The following GRIN2A variants were observed in gnomAD, a reference collection of about 807,000 sequenced individuals.
GRIN2A encodes glutamate ionotropic receptor NMDA type subunit 2A.
In GRIN2A, 22 loss-of-function variants were observed where a neutral mutation model predicts 113.4. The ratio of observed to expected loss-of-function variants is 0.19; its 90% CI spans 0.14 to 0.28. GRIN2A has a LOEUF of 0.28. Ranked by LOEUF, GRIN2A falls within the 10% of genes least tolerant of loss-of-function variation. The pLI, the probability that GRIN2A is intolerant of heterozygous loss-of-function variation, is 1.00. For missense variants in GRIN2A, 1,502 were observed against 1,887.0 expected (o/e 0.80, Z 3.78); for synonymous variants, 827 against 738.4 (o/e 1.12, Z -1.94).
At chr16:10,042,180 T>G (rs1235754455) in intron 2 of GRIN2A, among the ~76,000 whole-genome samples, 3 of 152,188 alleles carry the variant, frequency 2.0e-5, no homozygotes, top group Non-Finnish European at 4.4e-5. Context: ...TGTCTGCAAA[T>G]TTTTCAATAC....
intron 2 of GRIN2A, among the ~76,000 whole-genome samples, chr16:10,018,893 A>G (rs2046661341): frequency 6.6e-6 from 1 of 152,196 alleles, no homozygotes; most frequent in Non-Finnish European, 1.5e-5. Context: ...TCCCAATCTG[A>G]GCACTGGCTG....
intron 2 of GRIN2A, among the ~76,000 whole-genome samples, chr16:9,988,357 TA>T (rs1185273175): frequency 6.6e-6 from 1 of 151,938 alleles, no homozygotes; most frequent in Non-Finnish European, 1.5e-5. Context: ...TTTTAATACA[TA>T]AAAACAGTGG....
At chr16:10,051,526 T>C (rs1346479078) in intron 2 of GRIN2A, among the ~76,000 whole-genome samples, 1 of 152,196 alleles carries the variant, frequency 6.6e-6, no homozygotes, top group Admixed American at 6.5e-5. Context: ...TAACTCAAAG[T>C]AGTTTTTAAA....
Position 9,811,751 on chromosome 16 carries a change from T to G in GRIN2A, c.2168+10513A>C, listed in dbSNP as rs934412244. Among the ~76,000 whole-genome samples the G allele has an allele frequency of 2.0e-5, 3 of 152,292 alleles. No homozygotes were observed. In the East Asian group the frequency reaches 5.8e-4, roughly 29 times the overall value. ...TCTAGCCCTGGTGACAGAGTGAGGC[T>G]CTGTCTCAAAAAACAAACAAACAAA... On this transcript the variant is annotated intron_variant, in intron 10 of 12. Coordinates refer to ENST00000330684, the MANE Select transcript of GRIN2A (RefSeq NM_001134407.3).
Position 9,763,378 on chromosome 16 carries a change from T to C in GRIN2A, c.4166A>G (p.His1389Arg). Reference sequence around the variant, plus strand: ...ATTCACCGCCTGGGATGGCAACGAGTGTTTGTAAGGGTCCGAGGGGCATCT... The same window carrying C: ...ATTCACCGCCTGGGATGGCAACGAGCGTTTGTAAGGGTCCGAGGGGCATCT... ...IGRCPSDPYK[H>R]SLPSQAVNDS... Residue 1389 changes from histidine (H) to arginine (R), a missense_variant, in exon 13 of 13, where the codon CAC becomes CGC. Physicochemically the swap from His to Arg is conservative, Grantham distance 29 (BLOSUM62 0). Transcript: ENST00000330684. 1 of 1,613,694 alleles carries C rather than the reference T, an allele frequency of 6.2e-7. No homozygotes were observed. The highest frequency in any genetic ancestry group is 8.5e-7 in the Non-Finnish European group (1 of 1,179,932).
intron 2 of GRIN2A, among the ~76,000 whole-genome samples, chr16:9,972,075 C>A (rs184792825): frequency 2.0e-5 from 3 of 152,256 alleles, no homozygotes; most frequent in Admixed American, 1.3e-4. Context: ...AAAGAGGAGA[C>A]TTAGAGAAGG....
At chr16:9,990,644 C>A (rs2046093377) in intron 2 of GRIN2A, among the ~76,000 whole-genome samples, 1 of 150,516 alleles carries the variant, frequency 6.6e-6, no homozygotes, top group Admixed American at 6.7e-5. Flanking sequence ...ACTCAACAGT[C>A]TCAACTATGT....
chr16:9,858,605 G>A (rs1205420260), intron 4 of GRIN2A, among the ~76,000 whole-genome samples: 2 of 152,018 alleles, frequency 1.3e-5, no homozygotes, highest in Admixed American at 6.6e-5. Context: ...ATATAAAAAG[G>A]GTAGATTAAC....
intron 2 of GRIN2A, among the ~76,000 whole-genome samples, chr16:9,959,528 G>A (rs915417905): frequency 1.3e-5 from 2 of 152,158 alleles, no homozygotes; most frequent in African/African-American, 4.8e-5. Flanking sequence ...CCAAGCTACC[G>A]ATGTGCAACG....
chr16:10,181,373 T>G (rs2050269534), intron 1 of GRIN2A, among the ~76,000 whole-genome samples: 1 of 152,218 alleles, frequency 6.6e-6, no homozygotes, highest in Non-Finnish European at 1.5e-5. Flanking sequence ...CAGACGGACG[T>G]GGACTGTACA....
chr16:10,084,487 T>C (rs1198845102), intron 2 of GRIN2A, among the ~76,000 whole-genome samples: 1 of 152,138 alleles, frequency 6.6e-6, no homozygotes, highest in Non-Finnish European at 1.5e-5. Context: ...TGACCTTATT[T>C]AGAATTCCTG....
chr16:10,001,106 C>A (rs1041315365), intron 2 of GRIN2A, among the ~76,000 whole-genome samples: 6 of 152,172 alleles, frequency 3.9e-5, no homozygotes, highest in African/African-American at 1.4e-4. Flanking sequence ...TTGTCCTGGG[C>A]AAGTTACTTT....
At chr16:9,941,631 G>C (rs1055615338) in intron 2 of GRIN2A, among the ~76,000 whole-genome samples, 1 of 152,146 alleles carries the variant, frequency 6.6e-6, no homozygotes, top group African/African-American at 2.4e-5. Context: ...TCTGGGGTTG[G>C]ACTACCCAGC....
chr16:9,828,074 A>G (rs2042420342), intron 9 of GRIN2A, among the ~76,000 whole-genome samples: 1 of 152,180 alleles, frequency 6.6e-6, no homozygotes, highest in African/African-American at 2.4e-5. Context: ...TGAGGAGGTA[A>G]TGTCTTCCCT....
intron 10 of GRIN2A, among the ~76,000 whole-genome samples, chr16:9,815,990 G>T (rs1473009508): frequency 6.6e-6 from 1 of 152,258 alleles, no homozygotes; most frequent in Non-Finnish European, 1.5e-5. Flanking sequence ...ATTATGGTAA[G>T]TGAAATAAGC....
rs13331377 is a variant in GRIN2A, at chr16:9,833,969, G to T, written c.1777+136C>A. ...CCTGACCTCATGATCCACCCACCTC[G>T]GTCTCCCAAAGTGCTGGGATTACAG... On this transcript the variant is annotated intron_variant, in intron 8 of 12. Coordinates refer to ENST00000330684, the MANE Select transcript of GRIN2A (RefSeq NM_001134407.3). 4,619 of 834,268 alleles carry T rather than the reference G, an allele frequency of 5.5e-3. 161 individuals are homozygous for T. The African/African-American group carries it at 0.068, about 12-fold the overall frequency. 51.7% of individuals were successfully genotyped at this position (834,268 alleles called of 1,614,324 possible).
chr16:9,953,594 G>A (rs796669488), intron 2 of GRIN2A, among the ~76,000 whole-genome samples: 30 of 152,020 alleles, frequency 2.0e-4, no homozygotes, highest in African/African-American at 6.0e-4. Flanking sequence ...TGCTGGGGGC[G>A]GTAGTTGTTG....
rs184618788 is a variant in GRIN2A at position 9,983,585 on chromosome 16, A to G, written c.415-45034T>C. Among the ~76,000 whole-genome samples, 51 of 147,854 alleles carry G rather than the reference A, an allele frequency of 3.4e-4. 2 individuals are homozygous for G. The highest frequency in any genetic ancestry group is 1.2e-3 in the African/African-American group (50 of 40,194). ...CTCCCGAGTAGCTAGGACTACAGGC[A>G]CCCGCCACTATACCCAGCTAATTTT... On this transcript the variant is annotated intron_variant, in intron 2 of 12. Coordinates refer to ENST00000330684, the MANE Select transcript of GRIN2A (RefSeq NM_001134407.3).
chr16:9,849,843 G>T lies in GRIN2A; in HGVS notation c.1241C>A (p.Ala414Asp). 1 of 1,613,862 alleles carries T rather than the reference G, an allele frequency of 6.2e-7. No individual in the cohort carries two copies. The highest frequency in any genetic ancestry group is 8.5e-7 in the Non-Finnish European group (1 of 1,179,826). ...NHLSIVTLEE[A>D]PFVIVEDIDP... ...TATGTCTTCCACGATGACGAATGGG[G>T]CCTCCTCCAGGGTGACGATGCTGAG... is the stretch of plus-strand genomic sequence containing the variant. The change falls in exon 5 of 13, where the codon GCC becomes GAC. Residue 414 changes from alanine to aspartate, a missense_variant. Coordinates refer to ENST00000330684, the MANE Select transcript of GRIN2A (RefSeq NM_001134407.3).
Sources: allele counts gnomAD v4.1 joint callset (sites outside exome capture counted in the v4.1 genomes callset), GRCh38; gene constraint gnomAD v4.1.1; transcripts MANE v1.5; gene names NCBI Gene and HGNC (gene_info 2026-07-23, HGNC 2026-07-21).